Variants in IARS2 observed in about 807,000 individuals in gnomAD.
IARS2 encodes isoleucyl-tRNA synthetase 2, mitochondrial, also known as isoleucine--tRNA ligase, mitochondrial.
IARS2 carries 56 observed loss-of-function variants against 126.3 expected under a neutral mutation model. The ratio of observed to expected loss-of-function variants is 0.44; its 90% CI spans 0.36 to 0.55. The LOEUF is 0.55. Ranked by LOEUF, IARS2 falls within the 20% of genes least tolerant of loss-of-function variation. The pLI, the probability that IARS2 is intolerant of heterozygous loss-of-function variation, is 0.00. For missense variants in IARS2, 1,127 were observed against 1,245.9 expected, an observed-to-expected ratio of 0.90 and a Z score of 1.44; for synonymous variants, 407 against 441.1, an observed-to-expected ratio of 0.92 and a Z score of 0.97.
At chr1:220,103,632 T>C (rs771012171) in intron 8 of IARS2, 70 bp downstream of exon 8, 52 of 918,138 alleles carry the variant, frequency 5.7e-5, no homozygotes, top group Non-Finnish European at 6.1e-5. Context: ...ACTACTTTGC[T>C]GAACTGCATA....
rs557385365 is a variant in IARS2, at chr1:220,097,642, C to T, written c.390+1416C>T. On this transcript the variant is annotated intron_variant, in intron 2 of 22. Transcript: ENST00000366922. ...CCTCCCAAAGTGCTGGGATTACAGG[C>T]GTGAGCCACCACGTCTGGCCCCCAA... Among the ~76,000 whole-genome samples, 15 of 152,212 alleles carry T rather than the reference C, an allele frequency of 9.9e-5. No homozygotes were observed. In the South Asian group the frequency reaches 2.7e-3, roughly 27 times the overall value.
intron 20 of IARS2, 129 bp from the exon 21 acceptor site, chr1:220,142,815 A>G (rs1466602466): frequency 1.1e-5 from 6 of 535,660 alleles, no homozygotes; most frequent in Non-Finnish European, 1.8e-5. Flanking sequence ...TGGATCCATA[A>G]TATTTCATCA....
At position 220,125,225 on chromosome 1, in the gene IARS2, C is replaced by T. The variant is rs546591618; in HGVS notation, c.1641-12C>T. ...TTAATTGAATAATTCTGCCATGTCCCCCCTGAAATAGCCAAACCACTGAGC... is the reference window on the plus strand; with the variant it reads ...TTAATTGAATAATTCTGCCATGTCCTCCCTGAAATAGCCAAACCACTGAGC... On this transcript the variant is annotated splice_polypyrimidine_tract_variant and intron_variant, in intron 12 of 22. Transcript: ENST00000366922. The T allele has an allele frequency of 3.3e-6, 5 of 1,527,570 alleles. No individual in the cohort carries two copies. In the East Asian group the frequency reaches 1.1e-4, roughly 34 times the overall value. 94.6% of individuals were successfully genotyped at this position (1,527,570 alleles called of 1,614,324 possible).
chr1:220,103,135 G>A (rs1343831008), intron 7 of IARS2, among the ~76,000 whole-genome samples: 1 of 151,874 alleles, frequency 6.6e-6, no homozygotes, highest in Non-Finnish European at 1.5e-5. Flanking sequence ...CCACCTCCCG[G>A]GTTCAAGCAA....
intron 12 of IARS2, among the ~76,000 whole-genome samples, chr1:220,120,133 G>A (rs547521668): frequency 1.3e-5 from 2 of 150,060 alleles, no homozygotes; most frequent in East Asian, 3.9e-4. Flanking sequence ...CCAGGCTGGA[G>A]TGCAATGGTG....
chr1:220,142,448 GC>G (rs1657508703), intron 20 of IARS2, among the ~76,000 whole-genome samples: 1 of 152,184 alleles, frequency 6.6e-6, no homozygotes, highest in Non-Finnish European at 1.5e-5. Context: ...GTTGCAGTGA[GC>G]CAAGATCATG....
intron 12 of IARS2, among the ~76,000 whole-genome samples, chr1:220,115,980 G>C (rs1336799759): frequency 6.6e-6 from 1 of 152,152 alleles, no homozygotes; most frequent in Non-Finnish European, 1.5e-5. Flanking sequence ...CAGCACTTTG[G>C]GAGGCCAAGG....
At chr1:220,107,029 ATATTT>A in intron 9 of IARS2, 27 bp from the exon 10 acceptor site, 1 of 1,314,612 alleles carries the variant, frequency 7.6e-7, no homozygotes, top group South Asian at 1.2e-5. Context: ...AAATGTCTTG[ATATTT>A]TAATTGTTCA....
intron 14 of IARS2, 71 bp from the exon 15 acceptor site, chr1:220,134,331 A>G: frequency 9.7e-7 from 1 of 1,033,616 alleles, no homozygotes; most frequent in Non-Finnish European, 1.4e-6. Flanking sequence ...GTTATTAATA[A>G]GTATCTTCTT....
rs1217993652 is a variant in IARS2, at chr1:220,102,297, C to T, written c.699+20C>T. 4 of 1,602,190 alleles carry T rather than the reference C, an allele frequency of 2.5e-6. No homozygotes were observed. Among genetic ancestry groups the T allele is most frequent in the Admixed American group, 3.5e-5 (2 of 56,354 alleles). The stretch of plus-strand genomic sequence containing the variant: ...GATAAGGTAAAGAAGTATTTTTTCT[C>T]TTTGAGTAGGTTTTAGTATGCGTTA... On this transcript the variant is annotated intron_variant, in intron 4 of 22. Transcript: ENST00000366922.
In IARS2 at chr1:220,094,332, G is replaced by A. The variant is rs1656391015; in HGVS notation, c.116G>A (p.Arg39Lys). 2.3e-5 allele frequency: 37 copies of A among 1,613,010 alleles called. No homozygotes were observed. The highest frequency in any genetic ancestry group is 3.0e-5 in the Non-Finnish European group (35 of 1,179,616). ...CSPGWQGATKRLLVRSVSGAS... is the reference protein window; with the variant it reads ...CSPGWQGATKKLLVRSVSGAS... ...CCGGGATGGCAAGGGGCGACGAAGA[G>A]GCTTCTGGTGCGGTCGGTCTCCGGG... The change falls in exon 1 of 23, where the codon AGG (arginine) becomes AAG (lysine). Residue 39 changes from arginine to lysine, a missense_variant. Arg to Lys is a conservative substitution (Grantham distance 26, BLOSUM62 2). Transcript: ENST00000366922.
At chr1:220,106,425 C>T (rs1558121201) in intron 9 of IARS2, among the ~76,000 whole-genome samples, 1 of 151,968 alleles carries the variant, frequency 6.6e-6, no homozygotes, top group African/African-American at 2.4e-5. Context: ...GCAAGTATTT[C>T]CGTTTAGTTA....
chr1:220,145,785 A>G (rs1409305502), intron 22 of IARS2, 132 bp downstream of exon 22: 2 of 747,452 alleles, frequency 2.7e-6, no homozygotes, highest in East Asian at 5.9e-5. Flanking sequence ...TATGGAAATA[A>G]TAAAAACAAT....
chr1:220,132,760 G>A (rs986892986), intron 14 of IARS2, among the ~76,000 whole-genome samples: 3 of 151,660 alleles, frequency 2.0e-5, no homozygotes, highest in African/African-American at 4.8e-5. Context: ...TCCTGACCTC[G>A]TGATCCACCC....
chr1:220,094,201 C>A lies in IARS2; in HGVS notation c.-16C>A. 6.5e-7 allele frequency: 1 copy of A among 1,545,604 alleles called. No individual in the cohort carries two copies. The highest frequency in any genetic ancestry group is 2.0e-5 in the Admixed American group (1 of 50,780). Reference sequence around the variant, plus strand: ...GGGCGGGAGCGGAGGACCCCGCTCTCAGGGGTTGCCGGACCATGCGTTGGG... The same window carrying A: ...GGGCGGGAGCGGAGGACCCCGCTCTAAGGGGTTGCCGGACCATGCGTTGGG... On this transcript the variant is annotated 5_prime_UTR_variant, in exon 1 of 23. Transcript: ENST00000366922.
At position 220,104,865 on chromosome 1, in the gene IARS2, A is replaced by G. The variant is rs140355548; in HGVS notation, c.1067-1026A>G. ...TATCTTTGATCCTTAGGTATGATAT[A>G]TCTTTTAATTTCTTGCTAAAAAATC... is the stretch of plus-strand genomic sequence containing the variant. On this transcript the variant is annotated intron_variant, in intron 8 of 22. Transcript: ENST00000366922. Among the ~76,000 whole-genome samples the G allele has an allele frequency of 5.7e-3, 861 of 152,238 alleles. 5 individuals are homozygous for G. Among genetic ancestry groups the G allele is most frequent in the Non-Finnish European group, 9.9e-3 (675 of 68,022 alleles).
intron 13 of IARS2, among the ~76,000 whole-genome samples, chr1:220,125,778 G>A (rs1657142000): frequency 6.6e-6 from 1 of 151,898 alleles, no homozygotes; most frequent in Non-Finnish European, 1.5e-5. Context: ...ACTGCAGCCT[G>A]GGTGACAGAG....
chr1:220,095,114 C>T (rs1473385856), intron 1 of IARS2, among the ~76,000 whole-genome samples: 6 of 152,240 alleles, frequency 3.9e-5, no homozygotes, highest in Non-Finnish European at 5.9e-5. Flanking sequence ...TCTCAGCTCA[C>T]TACAACTTCC....
At chr1:220,096,333 A>C (rs1656440337) in intron 2 of IARS2, 107 bp downstream of exon 2, 1 of 770,006 alleles carries the variant, frequency 1.3e-6, no homozygotes, top group Non-Finnish European at 1.9e-6. Context: ...AGATTTGCAC[A>C]TAAAACTAAA....
Sources: gnomAD v4.1 joint callset for allele counts (sites outside exome capture counted in the v4.1 genomes callset) on GRCh38, gnomAD v4.1.1 for gene constraint, MANE v1.5 for transcripts, NCBI Gene and HGNC (gene_info 2026-07-23, HGNC 2026-07-21) for gene names.